The following TPO variants were observed in gnomAD, a reference collection of about 807,000 sequenced individuals.
The protein encoded by TPO is thyroid peroxidase.
TPO carries 78 observed loss-of-function variants against 96.9 expected under a neutral mutation model. The observed-to-expected ratio is 0.81, with a 90% CI of 0.67 to 0.97. The LOEUF is 0.97. Among genes scored for constraint, TPO ranks in the 50% least tolerant of loss-of-function variants. The pLI is 0.00. For synonymous variants in TPO, 547 were observed against 538.0 expected, an observed-to-expected ratio of 1.02 and a Z score of -0.23; for missense variants, 1,252 against 1,274.8, an observed-to-expected ratio of 0.98 and a Z score of 0.27.
chr2:1,441,511 T>C (rs73170227), intron 5 of TPO, among the ~76,000 whole-genome samples: 39,146 of 151,920 alleles, frequency 0.26, 5,671 homozygotes, highest in South Asian at 0.38. Context: ...GGGGTGAAGG[T>C]GTTTTGGTAG....
chr2:1,484,184 C>A (rs1670901954), intron 8 of TPO, among the ~76,000 whole-genome samples: 2 of 152,196 alleles, frequency 1.3e-5, no homozygotes, highest in South Asian at 4.1e-4. Flanking sequence ...CTCTGCCATA[C>A]AACATGCTTT....
chr2:1,496,283 T>C (rs1672328459), intron 12 of TPO, 86 bp downstream of exon 12: 2 of 1,496,252 alleles, frequency 1.3e-6, no homozygotes, highest in Non-Finnish European at 1.8e-6. Flanking sequence ...TGATTTTAAC[T>C]TTTCACTGTT....
Position 1,439,003 on chromosome 2 carries a change from G to C in TPO, c.482+2619G>C, listed in dbSNP as rs1050074696. 6.5e-5 allele frequency: 38 copies of C among 585,718 alleles called. No homozygotes were observed. The African/African-American group carries it at 6.9e-4, about 11-fold the overall frequency. 36.3% of individuals were successfully genotyped at this position (585,718 alleles called of 1,614,324 possible). A position where few individuals can be genotyped will look rare whatever the true frequency, so the allele number is the denominator to read the frequency against. ...TAGAGCCTGAACCTTTCTTTGGTTTGATGCTTCCTGATTCATAAATCATGA... is the reference window on the plus strand; with the variant it reads ...TAGAGCCTGAACCTTTCTTTGGTTTCATGCTTCCTGATTCATAAATCATGA... On this transcript the variant is annotated intron_variant, in intron 5 of 16. Transcript: ENST00000329066.
At chr2:1,511,298 CTG>C (rs1449028765) in intron 14 of TPO, among the ~76,000 whole-genome samples, 1 of 87,142 alleles carries the variant, frequency 1.1e-5, no homozygotes, top group Non-Finnish European at 2.4e-5. Flanking sequence ...GCCCTGCAGA[CTG>C]GGGGTGCCAC....
chr2:1,473,461 C>T (rs1042596543), intron 7 of TPO, among the ~76,000 whole-genome samples: 9 of 152,112 alleles, frequency 5.9e-5, no homozygotes, highest in Non-Finnish European at 1.0e-4. Context: ...TATAGTATAT[C>T]CTATTATCTG....
At chr2:1,499,931 A>G (rs982973432) in intron 13 of TPO, among the ~76,000 whole-genome samples, 2 of 152,238 alleles carry the variant, frequency 1.3e-5, no homozygotes, top group Admixed American at 1.3e-4. Context: ...AATGCACAGT[A>G]CAAAGAGCGG....
At chr2:1,464,921 ATCTT>A (rs1400982410) in intron 7 of TPO, among the ~76,000 whole-genome samples, 4 of 152,152 alleles carry the variant, frequency 2.6e-5, no homozygotes, top group Non-Finnish European at 5.9e-5. Context: ...CCAACTATTT[ATCTT>A]TCTTTTTATT....
intron 1 of TPO, among the ~76,000 whole-genome samples, chr2:1,393,363 C>G (rs1286059423): frequency 6.6e-6 from 1 of 152,222 alleles, no homozygotes; most frequent in Non-Finnish European, 1.5e-5. Flanking sequence ...CCTCTTCCAA[C>G]CCTGGGGATT....
intron 1 of TPO, among the ~76,000 whole-genome samples, chr2:1,401,128 T>C (rs1352744542): frequency 1.3e-5 from 2 of 152,186 alleles, no homozygotes; most frequent in Non-Finnish European, 2.9e-5. Flanking sequence ...GAGCCTCCCA[T>C]ATCTGTGCCT....
intron 1 of TPO, among the ~76,000 whole-genome samples, chr2:1,397,244 A>G (rs1464880237): frequency 6.6e-6 from 1 of 152,188 alleles, no homozygotes; most frequent in Non-Finnish European, 1.5e-5. Context: ...TGTCTCTGCA[A>G]ATTCCCTCAA....
intron 13 of TPO, among the ~76,000 whole-genome samples, chr2:1,498,981 C>G (rs552136924): frequency 1.3e-5 from 2 of 152,186 alleles, no homozygotes; most frequent in Admixed American, 1.3e-4. Flanking sequence ...TCTACGTTAA[C>G]AAGCCTTCCT....
intron 1 of TPO, among the ~76,000 whole-genome samples, chr2:1,384,799 A>G (rs1418156233): frequency 6.6e-6 from 1 of 152,180 alleles, no homozygotes; most frequent in African/African-American, 2.4e-5. Flanking sequence ...CAGTTTTCAA[A>G]GGGAATGCTT....
chr2:1,526,578 G>T lies in TPO; in HGVS notation c.2618+9596G>T, dbSNP rs559789711. Among the ~76,000 whole-genome samples, 25 of 107,548 alleles carry T rather than the reference G, an allele frequency of 2.3e-4. 1 individual carries two copies. The highest frequency in any genetic ancestry group is 3.6e-4 in the Non-Finnish European group (19 of 52,790). 70.6% of individuals were successfully genotyped at this position (107,548 alleles called of 152,430 possible). Reference sequence around the variant, plus strand: ...TGTGTGCAACCTTCTCAAATCCCACGCCACTGTGAGCAACCTCCACAAATC... The same window carrying T: ...TGTGTGCAACCTTCTCAAATCCCACTCCACTGTGAGCAACCTCCACAAATC... On this transcript the variant is annotated intron_variant, in intron 15 of 16. Coordinates refer to ENST00000329066, the MANE Select transcript of TPO (RefSeq NM_001206744.2).
intron 5 of TPO, among the ~76,000 whole-genome samples, chr2:1,446,348 TTACAGGGCAGGCATGGGCGCCTCTCTG>T (rs1254702620): frequency 1.3e-5 from 2 of 152,176 alleles, no homozygotes; most frequent in Non-Finnish European, 2.9e-5. Context: ...ACACTCATCG[TTACAGGGCAGGCATGGGCGCCTCTCTG>T]CTGAGCACTG....
intron 15 of TPO, among the ~76,000 whole-genome samples, chr2:1,538,601 A>C (rs1358386073): frequency 1.3e-5 from 2 of 152,236 alleles, no homozygotes; most frequent in Non-Finnish European, 2.9e-5. Flanking sequence ...GCAAATTCAT[A>C]AAATGGGGAA....
At chr2:1,524,648 ACCT>A (rs1676012255) in intron 15 of TPO, among the ~76,000 whole-genome samples, 1 of 83,932 alleles carries the variant, frequency 1.2e-5, no homozygotes, top group African/African-American at 4.7e-5. Flanking sequence ...ACTGCCTGCA[ACCT>A]CCTCAAATCC....
In TPO at chr2:1,493,973, C is replaced by T. The variant is rs780848325; in HGVS notation, c.1940C>T (p.Ala647Val). The change falls in exon 11 of 17, where the codon GCT becomes GTT. Residue 647 changes from alanine to valine, a missense_variant. Ala to Val is a moderately conservative substitution (Grantham distance 64). Coordinates refer to ENST00000329066, the MANE Select transcript of TPO (RefSeq NM_001206744.2). ...GGLAENFLPR[A>V]RTGPLFACLI... ...TTAGCTGAAAACTTCCTCCCCAGGG[C>T]TCGGACAGGGCCCCTGTTTGCCTGT... 1 of 1,614,188 alleles carries T rather than the reference C, an allele frequency of 6.2e-7. No individual in the cohort carries two copies.
In TPO at chr2:1,423,120, C is replaced by G; in HGVS notation, c.170C>G (p.Thr57Arg). ...CTGGTGGACACCGCCATGTACGCCA[C>G]GATGCAGAGGTGAGCCTTGCGGAGG... ...KRLVDTAMYA[T>R]MQRNLKKRGI... Residue 57 changes from threonine to arginine, a missense_variant, in exon 3 of 17, where the codon ACG becomes AGG. Thr to Arg is a moderately conservative substitution (Grantham distance 71, BLOSUM62 -1). Transcript: ENST00000329066. 6.2e-7 allele frequency: 1 copy of G among 1,613,856 alleles called. No homozygotes were observed. The highest frequency in any genetic ancestry group is 8.5e-7 in the Non-Finnish European group (1 of 1,180,034).
chr2:1,525,385 TCCC>T (rs1458269975), intron 15 of TPO, among the ~76,000 whole-genome samples: 10 of 79,154 alleles, frequency 1.3e-4, no homozygotes, highest in Non-Finnish European at 2.4e-4. Context: ...AAACCACAAA[TCCC>T]CCCAATGTGT....
Sources: allele counts gnomAD v4.1 joint callset (sites outside exome capture counted in the v4.1 genomes callset), GRCh38; gene constraint gnomAD v4.1.1; transcripts MANE v1.5; gene names NCBI Gene and HGNC (gene_info 2026-07-23, HGNC 2026-07-21).